Variants in MSRA observed in about 807,000 individuals in gnomAD.
The protein encoded by MSRA is methionine sulfoxide reductase A, also known as mitochondrial peptide methionine sulfoxide reductase.
In MSRA, 54 loss-of-function variants were observed where a neutral mutation model predicts 31.3. That is an observed-to-expected ratio of 1.73 (90% CI 1.39 to 2.17). MSRA has a LOEUF of 2.17. Ranked by LOEUF, MSRA falls within the 30% of genes most tolerant of loss-of-function variation. MSRA has a pLI of 0.00. For synonymous variants in MSRA, 169 were observed against 116.5 expected (o/e 1.45, Z -2.90); for missense variants, 507 against 300.9 (o/e 1.69, Z -5.07).
intron 5 of MSRA, among the ~76,000 whole-genome samples, chr8:10,381,042 G>C (rs547852021): frequency 6.6e-6 from 1 of 152,244 alleles, no homozygotes; most frequent in South Asian, 2.1e-4. Flanking sequence ...ATGGATAAAT[G>C]ATGGAAAGAT....
At chr8:10,198,666 C>G (rs764805822) in intron 1 of MSRA, among the ~76,000 whole-genome samples, 36 of 152,232 alleles carry the variant, frequency 2.4e-4, no homozygotes, top group Non-Finnish European at 4.6e-4. Flanking sequence ...CTCTGTCACC[C>G]AGGCTGGAGT....
chr8:10,351,182 T>C (rs1804117365), intron 5 of MSRA, among the ~76,000 whole-genome samples: 1 of 151,274 alleles, frequency 6.6e-6, no homozygotes, highest in African/African-American at 2.4e-5. Flanking sequence ...GAGTGAAAAT[T>C]CATCTCTTTC....
chr8:10,217,449 C>A (rs1417605826), intron 2 of MSRA, among the ~76,000 whole-genome samples: 1 of 152,218 alleles, frequency 6.6e-6, no homozygotes, highest in Admixed American at 6.5e-5. Flanking sequence ...CTAAAACAAG[C>A]AATGGACCAG....
intron 1 of MSRA, among the ~76,000 whole-genome samples, chr8:10,117,708 T>G (rs1325364693): frequency 6.6e-6 from 1 of 152,234 alleles, no homozygotes; most frequent in Non-Finnish European, 1.5e-5. Flanking sequence ...TTTCAGGGTC[T>G]TTTTGATAGC....
chr8:10,107,855 A>T (rs1258409599), intron 1 of MSRA, among the ~76,000 whole-genome samples: 1 of 152,140 alleles, frequency 6.6e-6, no homozygotes, highest in Non-Finnish European at 1.5e-5. Flanking sequence ...TTATCCCCGG[A>T]TATTGCTAAG....
At chr8:10,271,723 T>TC (rs1799049685) in intron 3 of MSRA, among the ~76,000 whole-genome samples, 1 of 151,376 alleles carries the variant, frequency 6.6e-6, no homozygotes, top group Non-Finnish European at 1.5e-5. Flanking sequence ...GTAGTCTTTT[T>TC]TTTTTTTTTT....
chr8:10,268,243 T>C (rs140438188), intron 3 of MSRA, among the ~76,000 whole-genome samples: 9 of 152,326 alleles, frequency 5.9e-5, no homozygotes, highest in Non-Finnish European at 1.2e-4. Flanking sequence ...ACAAGCAGTT[T>C]ATTCACTTTT....
intron 1 of MSRA, among the ~76,000 whole-genome samples, chr8:10,134,633 C>A (rs1188471658): frequency 1.3e-5 from 2 of 152,198 alleles, no homozygotes; most frequent in Non-Finnish European, 2.9e-5. Flanking sequence ...GGACGGCAGA[C>A]CAGGCATGAC....
intron 1 of MSRA, among the ~76,000 whole-genome samples, chr8:10,201,299 A>G (rs527613790): frequency 6.6e-6 from 1 of 152,222 alleles, no homozygotes; most frequent in East Asian, 1.9e-4. Flanking sequence ...TGGGGTTAAT[A>G]ACATGACCCG....
At chr8:10,269,116 T>C (rs1798896527) in intron 3 of MSRA, among the ~76,000 whole-genome samples, 1 of 152,226 alleles carries the variant, frequency 6.6e-6, no homozygotes, top group Non-Finnish European at 1.5e-5. Context: ...CCAATGTCGA[T>C]GGATTGTTAC....
chr8:10,304,753 G>C (rs1352752287), intron 4 of MSRA, among the ~76,000 whole-genome samples: 1 of 152,294 alleles, frequency 6.6e-6, no homozygotes, highest in Non-Finnish European at 1.5e-5. Context: ...AAAGAAAGCC[G>C]CCACTAGAGA....
At chr8:10,099,926 C>T (rs1799422642) in intron 1 of MSRA, among the ~76,000 whole-genome samples, 1 of 152,180 alleles carries the variant, frequency 6.6e-6, no homozygotes, top group African/African-American at 2.4e-5. Context: ...CCTGAGCATG[C>T]AGCAGGCCAG....
chr8:10,327,083 C>T (rs555718315), intron 5 of MSRA, among the ~76,000 whole-genome samples: 4 of 152,110 alleles, frequency 2.6e-5, no homozygotes, highest in South Asian at 2.1e-4. Flanking sequence ...ATTTCTCTCG[C>T]GAAAAAGAGA....
intron 3 of MSRA, among the ~76,000 whole-genome samples, chr8:10,270,073 A>G (rs1239626346): frequency 6.6e-6 from 1 of 152,234 alleles, no homozygotes; most frequent in Non-Finnish European, 1.5e-5. Flanking sequence ...GAAGGAAAAA[A>G]GTTTTGTAGT....
chr8:10,171,442 T>G (rs1805579326), intron 1 of MSRA, among the ~76,000 whole-genome samples: 1 of 152,104 alleles, frequency 6.6e-6, no homozygotes, highest in East Asian at 1.9e-4. Context: ...GTAGCAGGAA[T>G]TCTGATCAAA....
chr8:10,279,584 A>T (rs1225580449), intron 3 of MSRA, among the ~76,000 whole-genome samples: 1 of 152,050 alleles, frequency 6.6e-6, no homozygotes. Context: ...TTTTTTCCCC[A>T]TATGCATCCC....
chr8:10,174,806 G>A (rs1307648322), intron 1 of MSRA, among the ~76,000 whole-genome samples: 1 of 152,120 alleles, frequency 6.6e-6, no homozygotes, highest in Non-Finnish European at 1.5e-5. Flanking sequence ...GATGCCCTCC[G>A]ACGCTGAGTT....
intron 2 of MSRA, among the ~76,000 whole-genome samples, chr8:10,211,295 T>A (rs1283852979): frequency 6.6e-6 from 1 of 152,124 alleles, no homozygotes. Context: ...TGGCATACAG[T>A]CTTCACAGAT....
chr8:10,313,173 G>C (rs1250031577), intron 4 of MSRA, among the ~76,000 whole-genome samples: 4 of 152,166 alleles, frequency 2.6e-5, no homozygotes, highest in Non-Finnish European at 5.9e-5. Context: ...GCTGCTTCCA[G>C]ACCTGGCTCA....
Sources: allele counts gnomAD v4.1 joint callset (sites outside exome capture counted in the v4.1 genomes callset), GRCh38; gene constraint gnomAD v4.1.1; transcripts MANE v1.5; gene names NCBI Gene and HGNC (gene_info 2026-07-23, HGNC 2026-07-21).